Variants in LDB2 observed in about 807,000 individuals in gnomAD.
LDB2 encodes LIM domain binding 2, also known as LIM domain-binding protein 2.
Under a neutral mutation model 44.3 loss-of-function variants are expected in LDB2, and 12 were observed. That is an observed-to-expected ratio of 0.27 (90% CI 0.17 to 0.44). The LOEUF (loss-of-function observed/expected upper bound fraction) is 0.44. LDB2 is among the 20% of genes least tolerant of loss of function. The probability of loss-of-function intolerance (pLI) is 1.00; values close to 1 mark genes in which losing one functional copy is unlikely to be tolerated. For synonymous variants in LDB2, 164 were observed against 174.8 expected (o/e 0.94, Z 0.49); for missense variants, 344 against 473.5 (o/e 0.73, Z 2.54).
intron 2 of LDB2, among the ~76,000 whole-genome samples, chr4:16,670,608 A>G (rs1744483081): frequency 6.6e-6 from 1 of 152,226 alleles, no homozygotes; most frequent in South Asian, 2.1e-4. Context: ...ATAAAACATG[A>G]CATAATGCAT....
intron 1 of LDB2, among the ~76,000 whole-genome samples, chr4:16,828,968 G>C (rs761516376): frequency 2.9e-4 from 44 of 152,304 alleles, no homozygotes; most frequent in Middle Eastern, 6.8e-3. Flanking sequence ...TGAATGCGTG[G>C]CTGAAGAAGA....
intron 5 of LDB2, among the ~76,000 whole-genome samples, chr4:16,518,653 C>T (rs1181710598): frequency 2.0e-5 from 3 of 152,158 alleles, no homozygotes; most frequent in Non-Finnish European, 4.4e-5. Flanking sequence ...TTAAAAAATA[C>T]TCACTATCTT....
chr4:16,739,050 G>A (rs955508182), intron 2 of LDB2, among the ~76,000 whole-genome samples: 4 of 152,082 alleles, frequency 2.6e-5, no homozygotes, highest in Non-Finnish European at 4.4e-5. Flanking sequence ...GAGATTGAAA[G>A]AGAAGGCTTT....
At chr4:16,894,776 A>G (rs866937072) in intron 1 of LDB2, among the ~76,000 whole-genome samples, 4 of 152,124 alleles carry the variant, frequency 2.6e-5, no homozygotes, top group African/African-American at 7.2e-5. Context: ...CCTTTTGTCT[A>G]CTGATTCACT....
At chr4:16,684,167 CTT>C (rs149562238) in intron 2 of LDB2, among the ~76,000 whole-genome samples, 2,019 of 152,326 alleles carry the variant, frequency 0.013, 25 homozygotes, top group Non-Finnish European at 0.02. Context: ...CAGATACAAA[CTT>C]TCTCTTTTCT....
intron 1 of LDB2, among the ~76,000 whole-genome samples, chr4:16,760,162 G>T (rs1767586524): frequency 6.6e-6 from 1 of 152,104 alleles, no homozygotes; most frequent in East Asian, 1.9e-4. Context: ...TTTTTCCAGA[G>T]AATTAGAAGT....
chr4:16,503,051 C>G (rs763927982), intron 7 of LDB2, 178 bp from the exon 8 acceptor site: 1 of 1,541,148 alleles, frequency 6.5e-7, no homozygotes, highest in Admixed American at 2.0e-5. Context: ...AAATAAACAT[C>G]GCCTCCTGAT....
intron 2 of LDB2, among the ~76,000 whole-genome samples, chr4:16,712,053 A>G (rs992607775): frequency 5.9e-5 from 9 of 152,232 alleles, no homozygotes; most frequent in African/African-American, 1.9e-4. Flanking sequence ...AAAGAAAAAA[A>G]TTAACAATTT....
At chr4:16,632,523 A>G (rs1190571239) in intron 2 of LDB2, among the ~76,000 whole-genome samples, 1 of 152,246 alleles carries the variant, frequency 6.6e-6, no homozygotes, top group Non-Finnish European at 1.5e-5. Context: ...AACCAGCACA[A>G]GACGAGGATG....
At chr4:16,706,770 C>T (rs993482477) in intron 2 of LDB2, among the ~76,000 whole-genome samples, 1 of 152,110 alleles carries the variant, frequency 6.6e-6, no homozygotes, top group Non-Finnish European at 1.5e-5. Flanking sequence ...TTTTAAATTA[C>T]GTGTAGGAGC....
In LDB2 at chr4:16,744,196, A is replaced by T. The variant is rs570592671; in HGVS notation, c.235+14962T>A. Among the ~76,000 whole-genome samples the T allele has an allele frequency of 2.0e-5, 3 of 152,220 alleles. No individual in the cohort carries two copies. The South Asian group carries it at 6.2e-4, about 32-fold the overall frequency. On this transcript the variant is annotated intron_variant, in intron 2 of 7. Transcript: ENST00000304523. ...GTTTTAGACACAGTCTCACTCTGTCACCCAGGCTGGAGTGCAGTGGCTGGA... is the reference window on the plus strand; with the variant it reads ...GTTTTAGACACAGTCTCACTCTGTCTCCCAGGCTGGAGTGCAGTGGCTGGA...
chr4:16,607,945 C>T (rs1161574141), intron 2 of LDB2, among the ~76,000 whole-genome samples: 1 of 151,872 alleles, frequency 6.6e-6, no homozygotes, highest in African/African-American at 2.4e-5. Flanking sequence ...TCAAGAGAAT[C>T]AAGACCACAA....
At chr4:16,558,079 C>G (rs1740456487) in intron 5 of LDB2, among the ~76,000 whole-genome samples, 1 of 152,050 alleles carries the variant, frequency 6.6e-6, no homozygotes, top group Non-Finnish European at 1.5e-5. Context: ...TCACCATCAT[C>G]AAAGACCAAA....
chr4:16,671,830 A>G (rs1744842929), intron 2 of LDB2, among the ~76,000 whole-genome samples: 1 of 151,964 alleles, frequency 6.6e-6, no homozygotes. Context: ...TGGGACTGTA[A>G]TGAAATTACA....
chr4:16,509,029 G>A (rs900193097), intron 6 of LDB2, among the ~76,000 whole-genome samples: 1 of 152,068 alleles, frequency 6.6e-6, no homozygotes, highest in African/African-American at 2.4e-5. Flanking sequence ...TAGAAAATTT[G>A]GGAAACTTTT....
chr4:16,791,944 AT>A lies in LDB2; in HGVS notation c.133-32685del, dbSNP rs575057299. ...ATGGGGAAAGCTTGAAGCTCCAAAC[AT>A]TTTTTTATTATGTGATACTTCCTGA... On this transcript the variant is annotated intron_variant, in intron 1 of 7. Transcript: ENST00000304523. 7.8e-3 allele frequency among the ~76,000 whole-genome samples: 1,192 copies of A among 152,264 alleles called. 22 individuals carry two copies. The highest frequency in any genetic ancestry group is 0.027 in the African/African-American group (1,129 of 41,552).
chr4:16,502,924 T>A (rs1037476668), intron 7 of LDB2, 51 bp from the exon 8 acceptor site: 45 of 1,607,700 alleles, frequency 2.8e-5, no homozygotes, highest in Non-Finnish European at 3.6e-5. Context: ...AGAGAGAAGC[T>A]CAGCTTAAAA....
intron 2 of LDB2, among the ~76,000 whole-genome samples, chr4:16,666,694 G>A (rs1743332055): frequency 1.3e-5 from 2 of 152,232 alleles, no homozygotes; most frequent in South Asian, 2.1e-4. Context: ...CATGCCCTTG[G>A]AAAGAAAATT....
At chr4:16,821,526 G>C (rs1038002277) in intron 1 of LDB2, among the ~76,000 whole-genome samples, 1 of 149,516 alleles carries the variant, frequency 6.7e-6, no homozygotes, top group African/African-American at 2.4e-5. Flanking sequence ...TGGGACTACA[G>C]GCGCCCGCCA....
Sources: allele counts gnomAD v4.1 joint callset (sites outside exome capture counted in the v4.1 genomes callset), GRCh38; gene constraint gnomAD v4.1.1; transcripts MANE v1.5; gene names NCBI Gene and HGNC (gene_info 2026-07-23, HGNC 2026-07-21).